The following IL1RAP variants were observed in gnomAD, a reference collection of about 807,000 sequenced individuals.
The protein encoded by IL1RAP is interleukin 1 receptor accessory protein.
Under a neutral mutation model 60.7 loss-of-function variants are expected in IL1RAP, and 35 were observed. The ratio of observed to expected loss-of-function variants is 0.58; its 90% CI spans 0.44 to 0.76. The LOEUF (loss-of-function observed/expected upper bound fraction) is 0.76. Among genes scored for constraint, IL1RAP ranks in the 30% least tolerant of loss-of-function variants. IL1RAP has a pLI of 0.00. For missense variants in IL1RAP, 572 were observed against 693.9 expected (o/e 0.82, Z 1.97); for synonymous variants, 268 against 250.9 (o/e 1.07, Z -0.64).
chr3:190,634,707 G>GTT (rs1167445179), intron 9 of IL1RAP, among the ~76,000 whole-genome samples: 1,516 of 134,300 alleles, frequency 0.011, 82 homozygotes, highest in Non-Finnish European at 0.018. Flanking sequence ...GGCCTGTTGT[G>GTT]TTTTTTTTTT....
intron 4 of IL1RAP, among the ~76,000 whole-genome samples, chr3:190,608,104 A>G (rs532422596): frequency 2.0e-5 from 3 of 152,222 alleles, no homozygotes; most frequent in Non-Finnish European, 4.4e-5. Flanking sequence ...GGTGTTACAT[A>G]TATACACAGT....
At chr3:190,588,562 A>G (rs76692320) in intron 3 of IL1RAP, among the ~76,000 whole-genome samples, 5,067 of 152,266 alleles carry the variant, frequency 0.033, 127 homozygotes, top group Non-Finnish European at 0.053. Context: ...ATGCACACAC[A>G]CACAAGATGT....
At chr3:190,610,270 A>C (rs1269447906) in intron 5 of IL1RAP, among the ~76,000 whole-genome samples, 3 of 152,172 alleles carry the variant, frequency 2.0e-5, no homozygotes, top group Admixed American at 1.3e-4. Context: ...TTCTATTTTA[A>C]AATTCAGAAA....
At chr3:190,654,472 T>C (rs921409916), downstream of IL1RAP, among the ~76,000 whole-genome samples, 2 of 151,608 alleles carry the variant, frequency 1.3e-5, no homozygotes, top group Admixed American at 6.5e-5. Flanking sequence ...TAAATTTATC[T>C]CTTAAGAATG....
intron 5 of IL1RAP, among the ~76,000 whole-genome samples, chr3:190,610,521 A>C (rs1352886462): frequency 6.6e-6 from 1 of 152,094 alleles, no homozygotes; most frequent in East Asian, 1.9e-4. Flanking sequence ...AAAATTAAAA[A>C]AATGACAAAT....
At chr3:190,656,285 C>T (rs757984602), downstream of IL1RAP, 4 of 1,537,210 alleles carry the variant, frequency 2.6e-6, no homozygotes, top group Non-Finnish European at 2.6e-6. Flanking sequence ...AAAGAGCCCC[C>T]AGAACTTCAG....
intron 9 of IL1RAP, among the ~76,000 whole-genome samples, chr3:190,640,913 C>T (rs1460784393): frequency 1.3e-5 from 2 of 152,110 alleles, no homozygotes; most frequent in Non-Finnish European, 2.9e-5. Flanking sequence ...GTTTAGGAGT[C>T]CAGTTTGGTC....
rs1411627971 is a variant in IL1RAP, at chr3:190,535,927, C to T, written c.-88-20203C>T. ...TCTTTCTCAGGTGTATTCCATGCTA[C>T]ACTGCTATCATATAGCAAAGATCCT... On this transcript the variant is annotated intron_variant, in intron 1 of 11. Coordinates refer to ENST00000447382, the MANE Select transcript of IL1RAP (RefSeq NM_002182.4). Among the ~76,000 whole-genome samples the T allele has an allele frequency of 7.9e-5, 12 of 152,202 alleles. No homozygotes were observed. In the East Asian group the frequency reaches 1.5e-3, roughly 20 times the overall value.
rs1734340867 is a variant in IL1RAP at position 190,650,679 on chromosome 3, G to A, written c.*1974G>A. The A allele has an allele frequency of 4.2e-6, 4 of 955,130 alleles. No homozygotes were observed. The highest frequency in any genetic ancestry group is 5.0e-6 in the Non-Finnish European group (4 of 802,620). The allele number at this position is 955,130 out of a possible 1,614,324, so 59.2% of individuals were successfully genotyped here. A position where few individuals can be genotyped will look rare whatever the true frequency, so the allele number is the denominator to read the frequency against. On this transcript the variant is annotated 3_prime_UTR_variant, in exon 12 of 12. Transcript: ENST00000447382. ...AAAAAGTTTCACTTGGATGAAAAAA[G>A]TAGAAAAGTAGGTCATTCTTGGATC...
chr3:190,565,499 A>C (rs1453068865), intron 3 of IL1RAP, among the ~76,000 whole-genome samples: 1 of 152,190 alleles, frequency 6.6e-6, no homozygotes, highest in African/African-American at 2.4e-5. Flanking sequence ...TTTCTATGCC[A>C]CATAAAACAT....
intron 1 of IL1RAP, among the ~76,000 whole-genome samples, chr3:190,529,495 G>A (rs1339955941): frequency 2.0e-5 from 3 of 151,958 alleles, no homozygotes; most frequent in African/African-American, 7.3e-5. Context: ...AGACCATCTG[G>A]CCAACATGGT....
chr3:190,554,084 AAAAAGAAAT>A, intron 1 of IL1RAP, among the ~76,000 whole-genome samples: 1 of 132,564 alleles, frequency 7.5e-6, no homozygotes, highest in Non-Finnish European at 1.7e-5. Context: ...AAAAAAAAAA[AAAAAGAAAT>A]GAGAGGGAAA....
At chr3:190,619,879 T>C (rs1194087394) in intron 5 of IL1RAP, among the ~76,000 whole-genome samples, 2 of 152,116 alleles carry the variant, frequency 1.3e-5, no homozygotes, top group African/African-American at 2.4e-5. Context: ...ATTAATATAA[T>C]CAGTGAAGAA....
Position 190,649,162 on chromosome 3 carries a change from AT to A in IL1RAP, c.*461del, listed in dbSNP as rs1319796401. The A allele has an allele frequency of 1.0e-6, 1 of 987,426 alleles. No homozygotes were observed. The highest frequency in any genetic ancestry group is 1.2e-6 in the Non-Finnish European group (1 of 831,506). 61.2% of individuals were successfully genotyped at this position (987,426 alleles called of 1,614,324 possible). On this transcript the variant is annotated 3_prime_UTR_variant, in exon 12 of 12. Transcript: ENST00000447382. ...CGTTGAAAAGATAATCAAGGCCTACATTTTAGCTGAGGATAATGAACTTTTT... is the reference window on the plus strand; with the variant it reads ...CGTTGAAAAGATAATCAAGGCCTACATTTAGCTGAGGATAATGAACTTTTT...
At chr3:190,602,910 A>T (rs1729981730) in intron 3 of IL1RAP, among the ~76,000 whole-genome samples, 2 of 151,940 alleles carry the variant, frequency 1.3e-5, no homozygotes, top group South Asian at 4.2e-4. Flanking sequence ...GGACTCCATC[A>T]CCCTGACCTC....
chr3:190,621,554 G>A (rs1731782144), intron 6 of IL1RAP, among the ~76,000 whole-genome samples: 1 of 152,144 alleles, frequency 6.6e-6, no homozygotes, highest in African/African-American at 2.4e-5. Flanking sequence ...AGCATACTTT[G>A]TCACTCTGAT....
At chr3:190,563,400 C>A (rs550983085) in intron 2 of IL1RAP, 2 of 152,270 alleles carry the variant, frequency 1.3e-5, no homozygotes, top group African/African-American at 4.8e-5. Flanking sequence ...TCTGCATCAT[C>A]TTCAGGTTTC....
downstream of IL1RAP, chr3:190,655,823 C>A: frequency 1.7e-6 from 2 of 1,169,316 alleles, no homozygotes; most frequent in Non-Finnish European, 2.4e-6. Flanking sequence ...GGAGGATGGA[C>A]AATAACGAAC....
downstream of IL1RAP, chr3:190,656,220 C>T (rs528884066): frequency 1.3e-6 from 2 of 1,537,236 alleles, no homozygotes; most frequent in Admixed American, 2.0e-5. Flanking sequence ...ATGAGAGCTG[C>T]TCTTCCCAGT....
Sources: allele counts gnomAD v4.1 joint callset (sites outside exome capture counted in the v4.1 genomes callset), GRCh38; gene constraint gnomAD v4.1.1; transcripts MANE v1.5; gene names NCBI Gene and HGNC (gene_info 2026-07-23, HGNC 2026-07-21).